The following DUSP14 variants were observed in gnomAD, a reference collection of about 807,000 sequenced individuals.
DUSP14 encodes the protein dual specificity protein phosphatase 14.
In DUSP14, 5 loss-of-function variants were observed where a neutral mutation model predicts 13.2. The observed-to-expected ratio is 0.38, with a 90% CI of 0.20 to 0.80. The LOEUF is 0.80. DUSP14 is among the 30% of genes least tolerant of loss of function. The pLI is 0.44. For synonymous variants in DUSP14, 91 were observed against 103.4 expected, an observed-to-expected ratio of 0.88 and a Z score of 0.73; for missense variants, 185 against 264.0, an observed-to-expected ratio of 0.70 and a Z score of 2.07.
chr17:37,509,117 A>ATT (rs1315485762), intron 1 of DUSP14, among the ~76,000 whole-genome samples: 1 of 40,798 alleles, frequency 2.5e-5, no homozygotes, highest in Non-Finnish European at 4.2e-5. Flanking sequence ...ATATATATAT[A>ATT]TATATATATA....
chr17:37,510,419 C>A (rs767017641), intron 1 of DUSP14: 9 of 152,190 alleles, frequency 5.9e-5, no homozygotes, highest in Admixed American at 2.0e-4. Flanking sequence ...CTCCTCCTCT[C>A]AAGAGGATGA....
At chr17:37,509,601 C>T (rs907150329) in intron 1 of DUSP14, among the ~76,000 whole-genome samples, 1 of 151,712 alleles carries the variant, frequency 6.6e-6, no homozygotes, top group Admixed American at 6.6e-5. Flanking sequence ...GGATTACAGG[C>T]GTGATCCACC....
chr17:37,505,786 A>AT (rs926855476), intron 1 of DUSP14, among the ~76,000 whole-genome samples: 6 of 152,172 alleles, frequency 3.9e-5, no homozygotes, highest in African/African-American at 1.4e-4. Context: ...ACAAGGCTAC[A>AT]AGGCTGATGC....
intron 1 of DUSP14, among the ~76,000 whole-genome samples, chr17:37,502,724 C>T (rs924886119): frequency 6.6e-6 from 1 of 152,048 alleles, no homozygotes; most frequent in Non-Finnish European, 1.5e-5. Flanking sequence ...ACACCCATGG[C>T]CTCTCCGTGT....
intron 1 of DUSP14, among the ~76,000 whole-genome samples, chr17:37,494,714 C>G (rs1034198161): frequency 6.6e-6 from 1 of 152,156 alleles, no homozygotes; most frequent in Non-Finnish European, 1.5e-5. Flanking sequence ...TTACCATGTG[C>G]CTAGTATTAT....
intron 1 of DUSP14, among the ~76,000 whole-genome samples, chr17:37,502,524 T>G (rs1403916217): frequency 5.9e-5 from 9 of 152,090 alleles, no homozygotes; most frequent in Non-Finnish European, 1.3e-4. Flanking sequence ...TTCCTGTAGG[T>G]CAGGAATTTG....
At chr17:37,495,394 A>G (rs1218497197) in intron 1 of DUSP14, among the ~76,000 whole-genome samples, 1 of 152,202 alleles carries the variant, frequency 6.6e-6, no homozygotes, top group African/African-American at 2.4e-5. Flanking sequence ...TGAAGTTCAT[A>G]TGCAACTGCT....
In DUSP14 at chr17:37,511,922, C is replaced by CA. The variant is rs1491095150; in HGVS notation, c.-92-259_-92-258insA. ...ATGTATGAGCCACCATGCCCAGCCA[C>CA]CCCCCCCCCACCCCACTTTTTTTTT... On this transcript the variant is annotated intron_variant, in intron 2 of 2. Coordinates refer to ENST00000617516, the MANE Select transcript of DUSP14 (RefSeq NM_007026.4). Among the ~76,000 whole-genome samples the CA allele has an allele frequency of 1.5e-3, 27 of 17,754 alleles. 1 individual carries two copies. The highest frequency in any genetic ancestry group is 9.2e-3 in the African/African-American group (26 of 2,838). The allele number at this position is 17,754 out of a possible 152,430, so 11.6% of individuals were successfully genotyped here.
intron 1 of DUSP14, among the ~76,000 whole-genome samples, chr17:37,498,059 A>G (rs1311141417): frequency 6.6e-6 from 1 of 151,890 alleles, no homozygotes; most frequent in African/African-American, 2.4e-5. Context: ...AAAAAAAAAA[A>G]GGACAGAAAT....
Position 37,513,119 on chromosome 17 carries a change from T to TTTTA in DUSP14, c.*251_*254dup. 1.9e-6 allele frequency: 1 copy of TTTTA among 528,820 alleles called. No homozygotes were observed. Among genetic ancestry groups the TTTTA allele is most frequent in the South Asian group, 3.4e-5 (1 of 29,300 alleles). 32.8% of individuals were successfully genotyped at this position (528,820 alleles called of 1,614,324 possible). The stretch of plus-strand genomic sequence containing the variant: ...ATGGAAATCTTTAGCTTTTAATCAT[T>TTTTA]TTTACCAATTTGAACAGTTTAATAA... On this transcript the variant is annotated 3_prime_UTR_variant, in exon 3 of 3. Transcript: ENST00000617516.
intron 1 of DUSP14, among the ~76,000 whole-genome samples, chr17:37,493,535 G>C (rs1232878579): frequency 1.3e-5 from 2 of 152,098 alleles, no homozygotes; most frequent in Admixed American, 6.5e-5. Flanking sequence ...AAGGTCCCTG[G>C]GTAGTCCGAT....
intron 1 of DUSP14, among the ~76,000 whole-genome samples, chr17:37,504,720 G>A (rs562728446): frequency 8.6e-5 from 13 of 151,924 alleles, no homozygotes; most frequent in Non-Finnish European, 1.9e-4. Context: ...TGGGATTATA[G>A]GCGCATGAAA....
At chr17:37,511,818 GC>G (rs1333403595) in intron 2 of DUSP14, among the ~76,000 whole-genome samples, 2 of 149,866 alleles carry the variant, frequency 1.3e-5, no homozygotes, top group Non-Finnish European at 3.0e-5. Flanking sequence ...TCACTGTGTT[GC>G]CCAGGCTGGT....
intron 1 of DUSP14, among the ~76,000 whole-genome samples, chr17:37,498,434 C>G (rs557173923): frequency 1.3e-5 from 2 of 148,338 alleles, no homozygotes; most frequent in African/African-American, 5.0e-5. Flanking sequence ...TCACGCCATT[C>G]TCCTGCCTCA....
At chr17:37,488,932 T>C, upstream of DUSP14, among the ~76,000 whole-genome samples, 1 of 152,210 alleles carries the variant, frequency 6.6e-6, no homozygotes, top group East Asian at 1.9e-4. Flanking sequence ...GCCAACCATT[T>C]GCAACGGCGA....
chr17:37,493,989 T>G (rs1259110764), intron 1 of DUSP14, among the ~76,000 whole-genome samples: 1 of 151,088 alleles, frequency 6.6e-6, no homozygotes, highest in African/African-American at 2.5e-5. Context: ...AATGACTCTT[T>G]TAAACTTTTT....
chr17:37,490,581 A>G (rs2054020913), intron 1 of DUSP14, among the ~76,000 whole-genome samples: 2 of 152,086 alleles, frequency 1.3e-5, no homozygotes, highest in South Asian at 2.1e-4. Flanking sequence ...AGTGGATTGT[A>G]TAACTGTATT....
chr17:37,493,007 G>GTATGT (rs890976377), intron 1 of DUSP14, among the ~76,000 whole-genome samples: 9 of 152,116 alleles, frequency 5.9e-5, no homozygotes, highest in African/African-American at 2.2e-4. Context: ...GTGTGTGTGT[G>GTATGT]TATGTGTATG....
intron 2 of DUSP14, among the ~76,000 whole-genome samples, chr17:37,511,929 C>CTG: frequency 1.8e-5 from 1 of 55,736 alleles, no homozygotes; most frequent in African/African-American, 6.1e-5. Flanking sequence ...CCACCCCCCC[C>CTG]CCACCCCACT....
Sources: allele counts gnomAD v4.1 joint callset (sites outside exome capture counted in the v4.1 genomes callset), GRCh38; gene constraint gnomAD v4.1.1; transcripts MANE v1.5; gene names NCBI Gene and HGNC (gene_info 2026-07-23, HGNC 2026-07-21).